The following SLC6A11 variants were observed in gnomAD, a reference collection of about 807,000 sequenced individuals.
The protein encoded by SLC6A11 is sodium- and chloride-dependent GABA transporter 3.
A neutral mutation model predicts 74.8 loss-of-function variants in SLC6A11; 25 were observed. The observed-to-expected ratio is 0.33, with a 90% CI of 0.24 to 0.47. SLC6A11 has a LOEUF of 0.47. Ranked by LOEUF, SLC6A11 falls within the 20% of genes least tolerant of loss-of-function variation. SLC6A11 has a pLI of 1.00. For missense variants in SLC6A11, 574 were observed against 837.0 expected (o/e 0.69, Z 3.88); for synonymous variants, 330 against 330.2 (o/e 1.00, Z 0.01).
chr3:10,823,326 T>C lies in SLC6A11; in HGVS notation c.557T>C (p.Leu186Pro). The part of the protein sequence containing the change: ...NTENCVEFQK[L>P]NVSNYSHVSL... ...GAGAATTGTGTGGAGTTCCAGAAAC[T>C]GAATGTGAGCAACTACAGCCATGTG... Residue 186 changes from leucine (L) to proline (P), a missense_variant, in exon 4 of 14, where the codon CTG becomes CCG. Around this residue, in one of 4 missense-constraint regions of SLC6A11, gnomAD observed 215 missense variants for 357.9 expected, o/e 0.60. Coordinates refer to ENST00000254488, the MANE Select transcript of SLC6A11 (RefSeq NM_014229.3). 1.9e-6 allele frequency: 3 copies of C among 1,613,458 alleles called. No individual in the cohort carries two copies. Among genetic ancestry groups the C allele is most frequent in the Non-Finnish European group, 2.5e-6 (3 of 1,179,382 alleles).
chr3:10,903,861 C>CA (rs1695270903), intron 6 of SLC6A11, among the ~76,000 whole-genome samples: 1 of 152,212 alleles, frequency 6.6e-6, no homozygotes, highest in Admixed American at 6.5e-5. Flanking sequence ...GCACAATGAC[C>CA]ATCTCCCCAG....
rs557863407 is a variant in SLC6A11, at chr3:10,918,155, C to T, written c.996-174C>T. Among the ~76,000 whole-genome samples the T allele has an allele frequency of 3.4e-4, 52 of 152,324 alleles. No homozygotes were observed. Among genetic ancestry groups the T allele is most frequent in the African/African-American group, 1.2e-3 (48 of 41,568 alleles). ...TCAGGAGAAGCTGTGTGACCATGGG[C>T]CAGCCACCTAACCTCTCTGAACCAT... On this transcript the variant is annotated intron_variant, in intron 7 of 13. Coordinates refer to ENST00000254488, the MANE Select transcript of SLC6A11 (RefSeq NM_014229.3). The surrounding 1 kb of genome is among the most constrained non-coding windows in gnomAD (Gnocchi z 4.5).
intron 5 of SLC6A11, among the ~76,000 whole-genome samples, chr3:10,861,283 A>C (rs1694700294): frequency 6.6e-6 from 1 of 152,236 alleles, no homozygotes; most frequent in Non-Finnish European, 1.5e-5. Flanking sequence ...TGGGAGGCCA[A>C]GGTGGGAGGC....
chr3:10,875,226 A>G lies in SLC6A11; in HGVS notation c.891+131A>G, dbSNP rs151121375. ...GAAAGCCTGTGGACTCTTTCCCAGAATAATTTTAAATGCATAAATTTAATA... is the reference window on the plus strand; with the variant it reads ...GAAAGCCTGTGGACTCTTTCCCAGAGTAATTTTAAATGCATAAATTTAATA... On this transcript the variant is annotated intron_variant, in intron 6 of 13. Coordinates refer to ENST00000254488, the MANE Select transcript of SLC6A11 (RefSeq NM_014229.3). The G allele has an allele frequency of 1.5e-4, 101 of 652,914 alleles. 1 individual carries two copies. The East Asian group carries it at 1.8e-3, about 12-fold the overall frequency. The allele number at this position is 652,914 out of a possible 1,614,324, so 40.4% of individuals were successfully genotyped here.
At chr3:10,839,060 A>G (rs1575671405) in intron 4 of SLC6A11, among the ~76,000 whole-genome samples, 1 of 151,694 alleles carries the variant, frequency 6.6e-6, no homozygotes, top group South Asian at 2.1e-4. Context: ...TAACACCTCC[A>G]CCTGTGGATT....
chr3:10,923,393 A>G (rs1232371859), intron 8 of SLC6A11, among the ~76,000 whole-genome samples: 8 of 152,174 alleles, frequency 5.3e-5, no homozygotes. Flanking sequence ...TCAAAAAGCC[A>G]TGGAAATCAA....
intron 5 of SLC6A11, among the ~76,000 whole-genome samples, chr3:10,869,745 A>C (rs1694807461): frequency 6.6e-6 from 1 of 152,248 alleles, no homozygotes; most frequent in Non-Finnish European, 1.5e-5. Context: ...TGAGGAGGTT[A>C]GACTCAGGAA....
intron 6 of SLC6A11, among the ~76,000 whole-genome samples, chr3:10,879,170 A>C (rs1694945715): frequency 6.6e-6 from 1 of 152,230 alleles, no homozygotes; most frequent in Non-Finnish European, 1.5e-5. Context: ...AATAACCTCC[A>C]GATCACCAAA....
At chr3:10,928,250 G>C (rs764964963) in intron 9 of SLC6A11, among the ~76,000 whole-genome samples, 1 of 152,164 alleles carries the variant, frequency 6.6e-6, no homozygotes, top group Admixed American at 6.5e-5. Flanking sequence ...CCCTGAGCTA[G>C]ACACAGGAAA....
chr3:10,912,518 A>T (rs961017964), intron 7 of SLC6A11, among the ~76,000 whole-genome samples: 1 of 152,242 alleles, frequency 6.6e-6, no homozygotes, highest in African/African-American at 2.4e-5. Flanking sequence ...GAGCTAGTAT[A>T]TACACCAAGG....
At chr3:10,932,213 C>T (rs1695697317) in intron 10 of SLC6A11, among the ~76,000 whole-genome samples, 1 of 152,162 alleles carries the variant, frequency 6.6e-6, no homozygotes, top group African/African-American at 2.4e-5. Flanking sequence ...GCTGAGCTCA[C>T]ACATTCTAGG....
chr3:10,878,880 T>C (rs1694943008), intron 6 of SLC6A11, among the ~76,000 whole-genome samples: 1 of 152,230 alleles, frequency 6.6e-6, no homozygotes, highest in Non-Finnish European at 1.5e-5. Flanking sequence ...GTGTGATCTT[T>C]ATTTGTTCAA....
intron 6 of SLC6A11, among the ~76,000 whole-genome samples, chr3:10,884,860 G>A (rs1410689153): frequency 6.6e-6 from 1 of 152,198 alleles, no homozygotes; most frequent in Non-Finnish European, 1.5e-5. Context: ...GGTTCCCAAT[G>A]TTGAGACATT....
At chr3:10,912,530 C>T (rs1695400972) in intron 7 of SLC6A11, among the ~76,000 whole-genome samples, 1 of 152,252 alleles carries the variant, frequency 6.6e-6, no homozygotes, top group Non-Finnish European at 1.5e-5. Flanking sequence ...ACACCAAGGG[C>T]CTTGTTCTCT....
chr3:10,851,019 G>T (rs1208137610), intron 5 of SLC6A11, among the ~76,000 whole-genome samples: 1 of 152,174 alleles, frequency 6.6e-6, no homozygotes, highest in Admixed American at 6.5e-5. Flanking sequence ...GAACAGGGGT[G>T]GTTGACCCGG....
chr3:10,823,294 C>T lies in SLC6A11; in HGVS notation c.533-8C>T. ...TTTCTTCTATTTCTTGTCTTGTTTC[C>T]ACTGTAGAGAATTGTGTGGAGTTCC... On this transcript the variant is annotated splice_polypyrimidine_tract_variant and splice_region_variant and intron_variant, in intron 3 of 13. Coordinates refer to ENST00000254488, the MANE Select transcript of SLC6A11 (RefSeq NM_014229.3). The T allele has an allele frequency of 6.3e-7, 1 of 1,596,654 alleles. No homozygotes were observed. The highest frequency in any genetic ancestry group is 8.6e-7 in the Non-Finnish European group (1 of 1,164,136).
In SLC6A11 at chr3:10,823,659, A is replaced by G. The variant is rs145330316; in HGVS notation, c.623+267A>G. The stretch of plus-strand genomic sequence containing the variant: ...ATTAGGGCAGGAAGTACTTGGTGAA[A>G]GGATAGACAGTTTAAAAATTCATTT... On this transcript the variant is annotated intron_variant, in intron 4 of 13. Transcript: ENST00000254488. The G allele has an allele frequency of 2.6e-4, 97 of 380,372 alleles. No individual in the cohort carries two copies. In the East Asian group the frequency reaches 3.8e-3, roughly 15 times the overall value. 23.6% of individuals were successfully genotyped at this position (380,372 alleles called of 1,614,324 possible). A position where few individuals can be genotyped will look rare whatever the true frequency, so the allele number is the denominator to read the frequency against.
chr3:10,839,156 C>A (rs1339618041), intron 4 of SLC6A11, among the ~76,000 whole-genome samples: 1 of 152,296 alleles, frequency 6.6e-6, no homozygotes, highest in South Asian at 2.1e-4. Flanking sequence ...ATTTCTCCCT[C>A]TTTCCATCTC....
intron 11 of SLC6A11, among the ~76,000 whole-genome samples, chr3:10,933,470 T>C (rs1381679310): frequency 1.3e-5 from 2 of 152,226 alleles, no homozygotes; most frequent in Non-Finnish European, 2.9e-5. Context: ...TCAGGCACTA[T>C]GATCTTGGGC....
Sources: allele counts gnomAD v4.1 joint callset (sites outside exome capture counted in the v4.1 genomes callset), GRCh38; gene constraint gnomAD v4.1.1; regional missense constraint gnomAD v4.1.1; non-coding constraint Gnocchi (gnomAD v3.1); transcripts MANE v1.5; gene names NCBI Gene and HGNC (gene_info 2026-07-23, HGNC 2026-07-21).